The following AKT2 variants were observed in gnomAD, a reference collection of about 807,000 sequenced individuals.
The protein encoded by AKT2 is AKT serine/threonine kinase 2.
In AKT2, 16 loss-of-function variants were observed where a neutral mutation model predicts 58.6. The observed-to-expected ratio is 0.27, with a 90% CI of 0.18 to 0.41. The LOEUF is 0.41. Among genes scored for constraint, AKT2 ranks in the 10% least tolerant of loss-of-function variants. The probability of loss-of-function intolerance (pLI) is 1.00; values close to 1 mark genes in which losing one functional copy is unlikely to be tolerated. For missense variants in AKT2, 438 were observed against 661.0 expected (o/e 0.66, Z 3.70); for synonymous variants, 253 against 254.0 (o/e 1.00, Z 0.04).
In AKT2 at chr19:40,236,314, G is replaced by A. The variant is rs1974023747; in HGVS notation, c.903C>T (p.Ile301=). Residue 301 remains isoleucine (I), a synonymous_variant, in exon 10 of 14, where the codon ATC becomes ATT. Coordinates refer to ENST00000392038, the MANE Select transcript of AKT2 (RefSeq NM_001626.6). ...ITDFGLCKEG[I]SDGATMKTFC... is the part of the protein sequence containing the mutation. ...AGGTTTTCATGGTGGCCCCGTCACT[G>A]ATGCCCTCTTTGCAGAGGCCAAAGT... The A allele has an allele frequency of 1.9e-6, 3 of 1,614,184 alleles. No homozygotes were observed. The African/African-American group carries it at 4.0e-5, about 22-fold the overall frequency.
intron 2 of AKT2, among the ~76,000 whole-genome samples, chr19:40,258,182 T>C (rs996238081): frequency 1.5e-5 from 2 of 134,122 alleles, no homozygotes. Flanking sequence ...AGGCAGAGGT[T>C]GCCGTGAGCC....
chr19:40,247,974 G>C (rs372821334), intron 4 of AKT2, among the ~76,000 whole-genome samples: 2 of 152,164 alleles, frequency 1.3e-5, no homozygotes, highest in Admixed American at 1.3e-4. Flanking sequence ...AGCCACGTTC[G>C]CCATACCAAC....
At chr19:40,278,010 C>G (rs980584744) in intron 1 of AKT2, among the ~76,000 whole-genome samples, 2 of 152,134 alleles carry the variant, frequency 1.3e-5, no homozygotes, top group Non-Finnish European at 2.9e-5. Context: ...TGGGAGGGGC[C>G]AAGGTCATGG....
chr19:40,277,891 T>C (rs1017835017), intron 1 of AKT2, among the ~76,000 whole-genome samples: 4 of 152,178 alleles, frequency 2.6e-5, no homozygotes, highest in Non-Finnish European at 4.4e-5. Context: ...AACACACAAA[T>C]GACCAAGAAC....
At chr19:40,255,565 TG>T (rs918334087) in intron 3 of AKT2, among the ~76,000 whole-genome samples, 2 of 152,144 alleles carry the variant, frequency 1.3e-5, no homozygotes, top group African/African-American at 4.8e-5. Context: ...CCTGGGGGGT[TG>T]GGGGGCTTCC....
rs545750420 is a variant in AKT2 at position 40,247,017 on chromosome 19, A to G, written c.288-4330T>C. On this transcript the variant is annotated intron_variant, in intron 4 of 13. Transcript: ENST00000392038. ...CCCTGGCTCCCACTGCCCACCCTACAGAAAGCTCCAGAAACCACAGCAATG... is the reference window on the plus strand; with the variant it reads ...CCCTGGCTCCCACTGCCCACCCTACGGAAAGCTCCAGAAACCACAGCAATG... 2.0e-5 allele frequency among the ~76,000 whole-genome samples: 3 copies of G among 152,218 alleles called. No individual in the cohort carries two copies. In the South Asian group the frequency reaches 6.2e-4, roughly 32 times the overall value.
intron 1 of AKT2, chr19:40,273,379 G>A (rs554930133): frequency 1.3e-5 from 2 of 151,376 alleles, no homozygotes; most frequent in East Asian, 3.9e-4. Flanking sequence ...CTGATGGGTG[G>A]AGACATGGGA....
chr19:40,247,474 C>T (rs1252839852), intron 4 of AKT2, among the ~76,000 whole-genome samples: 1 of 152,322 alleles, frequency 6.6e-6, no homozygotes, highest in East Asian at 1.9e-4. Flanking sequence ...CCTACTCCTC[C>T]TTAGCACCAC....
chr19:40,265,530 T>C (rs1048743505), intron 1 of AKT2, 179 bp from the exon 2 acceptor site: 3 of 822,186 alleles, frequency 3.6e-6, no homozygotes, highest in Non-Finnish European at 5.5e-6. Flanking sequence ...GATGTGGCAA[T>C]GTCCCCAGCG....
At chr19:40,265,886 A>C (rs1600087268) in intron 1 of AKT2, 2 of 156,780 alleles carry the variant, frequency 1.3e-5, no homozygotes, top group Non-Finnish European at 2.8e-5. Flanking sequence ...AACTAAGCAC[A>C]CTCCCGTCCC....
intron 4 of AKT2, chr19:40,243,067 G>A: frequency 6.6e-6 from 2 of 304,312 alleles, no homozygotes; most frequent in South Asian, 3.1e-5. Context: ...GCTTGAACCC[G>A]GGAGGCGGAG....
Position 40,260,562 on chromosome 19 carries a change from G to A in AKT2, c.47-3508C>T, listed in dbSNP as rs551305723. Among the ~76,000 whole-genome samples, 60 of 139,542 alleles carry A rather than the reference G, an allele frequency of 4.3e-4. No individual in the cohort carries two copies. In the South Asian group the frequency reaches 0.012, roughly 27 times the overall value. 91.5% of individuals were successfully genotyped at this position (139,542 alleles called of 152,430 possible). A position where few individuals can be genotyped will look rare whatever the true frequency, so the allele number is the denominator to read the frequency against. ...GGAGAATCACTTGAACCCAGGAGGC[G>A]GAGGCTGCAGTGAGCCGAGATCACG... On this transcript the variant is annotated intron_variant, in intron 2 of 13. Coordinates refer to ENST00000392038, the MANE Select transcript of AKT2 (RefSeq NM_001626.6).
Position 40,275,045 on chromosome 19 carries a change from T to C in AKT2, c.-84-9694A>G, listed in dbSNP as rs767523806. On this transcript the variant is annotated intron_variant, in intron 1 of 13. Transcript: ENST00000392038. ...CACCACCTGCCTCACTTGAGAACCATGAGGACCTGCATGCAGCAGATGTGA... is the reference window on the plus strand; with the variant it reads ...CACCACCTGCCTCACTTGAGAACCACGAGGACCTGCATGCAGCAGATGTGA... 18 of 456,374 alleles carry C rather than the reference T, an allele frequency of 3.9e-5. 2 individuals are homozygous for C. Among genetic ancestry groups the C allele is most frequent in the South Asian group, 2.5e-4 (16 of 64,562 alleles). 28.3% of individuals were successfully genotyped at this position (456,374 alleles called of 1,614,324 possible).
At position 40,242,299 on chromosome 19, in the gene AKT2, T is replaced by C; in HGVS notation, c.442-230A>G. On this transcript the variant is annotated intron_variant, in intron 5 of 13. Coordinates refer to ENST00000392038, the MANE Select transcript of AKT2 (RefSeq NM_001626.6). This position sits in a 1 kb window ranked among gnomAD's most constrained non-coding sequence, Gnocchi z 4.3. ...GGGCTCTGACGTGGGGGTAGCCAGG[T>C]CTTCACCAACTCCCAGGACGAACCT... is the stretch of plus-strand genomic sequence containing the variant. The C allele has an allele frequency of 2.3e-6, 2 of 854,238 alleles. No individual in the cohort carries two copies. Among genetic ancestry groups the C allele is most frequent in the Middle Eastern group, 3.5e-4 (1 of 2,856 alleles). The allele number at this position is 854,238 out of a possible 1,614,324, so 52.9% of individuals were successfully genotyped here. A position where few individuals can be genotyped will look rare whatever the true frequency, so the allele number is the denominator to read the frequency against.
chr19:40,239,644 A>C (rs1974265034), intron 7 of AKT2: 1 of 370,710 alleles, frequency 2.7e-6, no homozygotes, highest in African/African-American at 2.1e-5. Flanking sequence ...ACAGGCATCT[A>C]CTCAGTCCAG....
chr19:40,274,980 C>A, intron 1 of AKT2: 1 of 432,740 alleles, frequency 2.3e-6, no homozygotes, highest in Non-Finnish European at 4.7e-6. Flanking sequence ...TCTCCAGGAG[C>A]TGTCCCCAGA....
chr19:40,232,865 G>A lies in AKT2; in HGVS notation c.*1007C>T, dbSNP rs1436268001. 1.3e-5 allele frequency: 3 copies of A among 237,188 alleles called. No individual in the cohort carries two copies. The East Asian group carries it at 1.8e-4, about 14-fold the overall frequency. The allele number at this position is 237,188 out of a possible 1,614,324, so 14.7% of individuals were successfully genotyped here. A position where few individuals can be genotyped will look rare whatever the true frequency, so the allele number is the denominator to read the frequency against. ...CAGAACGTGGGGCCCTGGGGAGAGG[G>A]AGGGGTGAGGGGGGCCTAGGAGCCT... On this transcript the variant is annotated 3_prime_UTR_variant, in exon 14 of 14. Coordinates refer to ENST00000392038, the MANE Select transcript of AKT2 (RefSeq NM_001626.6).
intron 4 of AKT2, chr19:40,243,069 G>T (rs564140775): frequency 3.3e-6 from 1 of 304,688 alleles, no homozygotes; most frequent in Non-Finnish European, 6.5e-6. Context: ...TTGAACCCGG[G>T]AGGCGGAGGG....
intron 2 of AKT2, among the ~76,000 whole-genome samples, chr19:40,264,199 C>G (rs1431391032): frequency 6.6e-6 from 1 of 152,186 alleles, no homozygotes; most frequent in Non-Finnish European, 1.5e-5. Context: ...ACCGCCACAC[C>G]TGGGGACCTT....
Sources: gnomAD v4.1 joint callset for allele counts (sites outside exome capture counted in the v4.1 genomes callset) on GRCh38, gnomAD v4.1.1 for gene constraint, Gnocchi (gnomAD v3.1) non-coding constraint, MANE v1.5 for transcripts, NCBI Gene and HGNC (gene_info 2026-07-23, HGNC 2026-07-21) for gene names.